The following TAFA2 variants were observed in gnomAD, a reference collection of about 807,000 sequenced individuals.
TAFA2 encodes the protein TAFA chemokine like family member 2.
TAFA2 carries 7 observed loss-of-function variants against 18.8 expected under a neutral mutation model. The observed-to-expected ratio is 0.37, with a 90% CI of 0.21 to 0.70. The LOEUF (loss-of-function observed/expected upper bound fraction) is 0.70, where lower values mean the gene tolerates loss of function less well. Among genes scored for constraint, TAFA2 ranks in the 30% least tolerant of loss-of-function variants. The pLI is 0.53. For missense variants in TAFA2, 122 were observed against 158.1 expected, an observed-to-expected ratio of 0.77 and a Z score of 1.23; for synonymous variants, 60 against 54.2, an observed-to-expected ratio of 1.11 and a Z score of -0.47.
chr12:62,077,280 C>A (rs528049061), intron 1 of TAFA2, among the ~76,000 whole-genome samples: 38 of 152,228 alleles, frequency 2.5e-4, no homozygotes, highest in African/African-American at 8.9e-4. Flanking sequence ...AATGAGGATG[C>A]TTTTATTCTG....
chr12:62,207,402 C>T lies in TAFA2; in HGVS notation c.-130+51361G>A, dbSNP rs375861431. On this transcript the variant is annotated intron_variant, in intron 1 of 5. Coordinates refer to the TAFA2 transcript ENST00000551619. Reference sequence around the variant, plus strand: ...GTTACATTCTCCTAGCTACTAGAGTCCCAAGTGGTTTCTGGAAATCTTGAA... The same window carrying T: ...GTTACATTCTCCTAGCTACTAGAGTTCCAAGTGGTTTCTGGAAATCTTGAA... Among the ~76,000 whole-genome samples, 4 of 152,102 alleles carry T rather than the reference C, an allele frequency of 2.6e-5. No homozygotes were observed. In the East Asian group the frequency reaches 7.7e-4, roughly 29 times the overall value.
intron 2 of TAFA2, among the ~76,000 whole-genome samples, chr12:61,808,437 C>T (rs1462364074): frequency 2.0e-5 from 3 of 151,416 alleles, no homozygotes; most frequent in South Asian, 2.1e-4. Context: ...TGGACTAATA[C>T]AGTACATAAT....
At chr12:61,863,261 G>A (rs1157277114) in intron 2 of TAFA2, among the ~76,000 whole-genome samples, 1 of 152,130 alleles carries the variant, frequency 6.6e-6, no homozygotes, top group Non-Finnish European at 1.5e-5. Flanking sequence ...TAAATGTAAA[G>A]GTCCCTGATG....
chr12:61,759,969 GC>G (rs1318893600), intron 2 of TAFA2, among the ~76,000 whole-genome samples: 1 of 151,110 alleles, frequency 6.6e-6, no homozygotes, highest in Non-Finnish European at 1.5e-5. Context: ...AGAGAGGTAT[GC>G]CCTCCTTCAG....
intron 1 of TAFA2, among the ~76,000 whole-genome samples, chr12:62,179,613 G>C (rs11831708): frequency 0.037 from 5,689 of 152,152 alleles, 370 homozygotes; most frequent in African/African-American, 0.13. Flanking sequence ...TTGGCTCCAC[G>C]CATTTTTCTC....
chr12:61,961,172 C>T lies in TAFA2; in HGVS notation c.-1-93746G>A, dbSNP rs558421486. Reference sequence around the variant, plus strand: ...GAGAGAAGGTGGGAGGTGCCACACACTTGTAAACCATCAGATCTCTGAGAA... The same window carrying T: ...GAGAGAAGGTGGGAGGTGCCACACATTTGTAAACCATCAGATCTCTGAGAA... On this transcript the variant is annotated intron_variant, in intron 1 of 4. Coordinates refer to ENST00000416284, the MANE Select transcript of TAFA2 (RefSeq NM_178539.5). 3.9e-5 allele frequency among the ~76,000 whole-genome samples: 6 copies of T among 151,944 alleles called. No homozygotes were observed. In the South Asian group the frequency reaches 1.2e-3, roughly 32 times the overall value.
chr12:61,717,148 A>C (rs1408915536), intron 4 of TAFA2, among the ~76,000 whole-genome samples: 3 of 152,206 alleles, frequency 2.0e-5, no homozygotes, highest in Non-Finnish European at 4.4e-5. Flanking sequence ...ATTACTCTGC[A>C]GTAGCAGGTT....
At chr12:62,174,183 TCACA>T (rs2062496953) in intron 1 of TAFA2, among the ~76,000 whole-genome samples, 2 of 151,978 alleles carry the variant, frequency 1.3e-5, no homozygotes, top group Non-Finnish European at 2.9e-5. Flanking sequence ...TCCCAGCTAC[TCACA>T]CGCCTGTAGT....
chr12:61,870,087 C>CA (rs1874533844), intron 1 of TAFA2, among the ~76,000 whole-genome samples: 1 of 152,178 alleles, frequency 6.6e-6, no homozygotes, highest in African/African-American at 2.4e-5. Flanking sequence ...GAAGCACCCA[C>CA]AAAGTTGCCA....
At chr12:62,037,002 G>A (rs1037558656) in intron 1 of TAFA2, among the ~76,000 whole-genome samples, 21 of 152,278 alleles carry the variant, frequency 1.4e-4, no homozygotes, top group Non-Finnish European at 1.9e-4. Context: ...TTATTTTAAT[G>A]AGTGCTTGGA....
rs542244871 is a variant in TAFA2, at chr12:62,205,263, A to T, written c.-130+53500T>A. Among the ~76,000 whole-genome samples, 6 of 152,290 alleles carry T rather than the reference A, an allele frequency of 3.9e-5. No individual in the cohort carries two copies. The South Asian group carries it at 1.2e-3, about 32-fold the overall frequency. ...ATGCCAGTGGGAATGCTCCTGTGTA[A>T]GGTGTCTGGTGACCACTCTTGGGGG... is the stretch of plus-strand genomic sequence containing the variant. On this transcript the variant is annotated intron_variant, in intron 1 of 5. Transcript: ENST00000551619.
chr12:62,189,265 A>G (rs1565774767), intron 1 of TAFA2, among the ~76,000 whole-genome samples: 1 of 152,196 alleles, frequency 6.6e-6, no homozygotes, highest in Non-Finnish European at 1.5e-5. Context: ...CCCTGTGCCT[A>G]AGTATTCAGT....
chr12:61,775,251 T>C (rs747723215), intron 2 of TAFA2, among the ~76,000 whole-genome samples: 61 of 151,796 alleles, frequency 4.0e-4, no homozygotes, highest in Non-Finnish European at 2.9e-4. Flanking sequence ...ATACGGTAGT[T>C]TCATACAAAA....
chr12:61,991,100 G>C (rs1220430899), intron 1 of TAFA2, among the ~76,000 whole-genome samples: 1 of 152,194 alleles, frequency 6.6e-6, no homozygotes, highest in Non-Finnish European at 1.5e-5. Context: ...TCTGGAACCA[G>C]GTTGTCTGGG....
At chr12:62,083,709 C>T (rs1379654414) in intron 1 of TAFA2, among the ~76,000 whole-genome samples, 1 of 152,046 alleles carries the variant, frequency 6.6e-6, no homozygotes, top group African/African-American at 2.4e-5. Flanking sequence ...ATGTGTCTTA[C>T]ACTTTTTAAA....
chr12:62,212,570 TCTC>T (rs147744051), intron 1 of TAFA2, among the ~76,000 whole-genome samples: 6,698 of 152,270 alleles, frequency 0.044, 202 homozygotes, highest in East Asian at 0.099. Context: ...AAGTCCCTCT[TCTC>T]CTCTGTCTGC....
At chr12:62,170,353 ATCT>A (rs2062469292) in intron 1 of TAFA2, among the ~76,000 whole-genome samples, 2 of 152,226 alleles carry the variant, frequency 1.3e-5, no homozygotes, top group African/African-American at 4.8e-5. Context: ...GAGGAAAGAA[ATCT>A]TCTACTGATA....
intron 4 of TAFA2, among the ~76,000 whole-genome samples, chr12:61,740,479 A>G (rs964079151): frequency 7.4e-6 from 1 of 134,924 alleles, no homozygotes; most frequent in Admixed American, 7.1e-5. Context: ...CTTAAAGTCT[A>G]AAAAAAAAAA....
intron 2 of TAFA2, among the ~76,000 whole-genome samples, chr12:61,849,853 T>C (rs1229547497): frequency 6.6e-6 from 1 of 152,232 alleles, no homozygotes; most frequent in African/African-American, 2.4e-5. Flanking sequence ...AATATTTTGC[T>C]ATGTGAATTC....
Sources: allele counts gnomAD v4.1 joint callset (sites outside exome capture counted in the v4.1 genomes callset), GRCh38; gene constraint gnomAD v4.1.1; transcripts MANE v1.5; gene names NCBI Gene and HGNC (gene_info 2026-07-23, HGNC 2026-07-21).